The following TMA16 variants were observed in gnomAD, a reference collection of about 807,000 sequenced individuals.
The protein encoded by TMA16 is translation machinery-associated protein 16.
In TMA16, 26 loss-of-function variants were observed where a neutral mutation model predicts 27.1. The observed-to-expected ratio is 0.96, with a 90% CI of 0.70 to 1.33. The LOEUF (loss-of-function observed/expected upper bound fraction) is 1.33. Ranked by LOEUF, TMA16 falls within the 40% of genes most tolerant of loss-of-function variation. The pLI, the probability that TMA16 is intolerant of heterozygous loss-of-function variation, is 0.00. For missense variants in TMA16, 233 were observed against 241.4 expected, an observed-to-expected ratio of 0.97 and a Z score of 0.23; for synonymous variants, 71 against 81.9, an observed-to-expected ratio of 0.87 and a Z score of 0.72.
chr4:163,519,507 T>A lies in TMA16; in HGVS notation c.605T>A (p.Val202Glu), dbSNP rs1737936979. 2 of 1,572,862 alleles carry A rather than the reference T, an allele frequency of 1.3e-6. No individual in the cohort carries two copies. The highest frequency in any genetic ancestry group is 1.7e-6 in the Non-Finnish European group (2 of 1,166,834). The change falls in exon 7 of 7, where the codon GTG (valine) becomes GAG (glutamate). Residue 202 changes from valine to glutamate, a missense_variant. Transcript: ENST00000358572. ...GATTCAGATGAGGAAATGACTGCAGTGGCCTAATTGTCTTCACTTGAATTG... is the reference window on the plus strand; with the variant it reads ...GATTCAGATGAGGAAATGACTGCAGAGGCCTAATTGTCTTCACTTGAATTG... ...SSDSDEEMTA[V>E]A
At chr4:163,497,821 T>G (rs956311757) in intron 1 of TMA16, among the ~76,000 whole-genome samples, 3 of 152,206 alleles carry the variant, frequency 2.0e-5, no homozygotes, top group Admixed American at 6.5e-5. Flanking sequence ...CGTGGATATC[T>G]TTTGGTCGGA....
intron 2 of TMA16, among the ~76,000 whole-genome samples, chr4:163,512,007 C>A (rs932891823): frequency 7.3e-5 from 11 of 151,532 alleles, no homozygotes; most frequent in African/African-American, 2.7e-4. Flanking sequence ...TTCCCGTAGT[C>A]CCTATCTTTT....
intron 4 of TMA16, 30 bp from the exon 5 acceptor site, chr4:163,515,283 T>C: frequency 1.3e-6 from 2 of 1,593,292 alleles, no homozygotes; most frequent in Non-Finnish European, 1.7e-6. Context: ...ATACTTTGTA[T>C]GTAACACAAA....
chr4:163,502,423 A>C (rs1737661747), intron 1 of TMA16, among the ~76,000 whole-genome samples: 1 of 152,178 alleles, frequency 6.6e-6, no homozygotes, highest in African/African-American at 2.4e-5. Flanking sequence ...CTTCTCTCAA[A>C]CTGTGATTTG....
intron 1 of TMA16, among the ~76,000 whole-genome samples, chr4:163,505,987 C>G (rs189371881): frequency 6.6e-6 from 1 of 152,212 alleles, no homozygotes; most frequent in Admixed American, 6.5e-5. Flanking sequence ...TTCTGTTTTT[C>G]TATATGAATG....
chr4:163,500,842 G>C (rs1332279792), intron 1 of TMA16, among the ~76,000 whole-genome samples: 1 of 152,166 alleles, frequency 6.6e-6, no homozygotes, highest in Non-Finnish European at 1.5e-5. Context: ...CCAGGAATGA[G>C]AAGGATAAAC....
chr4:163,519,455 G>C lies in TMA16; in HGVS notation c.553G>C (p.Glu185Gln). The C allele has an allele frequency of 6.2e-7, 1 of 1,605,446 alleles. No individual in the cohort carries two copies. The highest frequency in any genetic ancestry group is 8.5e-7 in the Non-Finnish European group (1 of 1,176,936). ...TATAACTGTAGACCAAGATTTGGGG[G>C]AATTGGAACTAAACGATGAATCAAG... ...TIITVDQDLG[E>Q]LELNDESSDS... Residue 185 changes from glutamate to glutamine, a missense_variant, in exon 7 of 7, where the codon GAA (glutamate) becomes CAA (glutamine). By Grantham distance (29) the Glu-to-Gln change is conservative. Coordinates refer to ENST00000358572, the MANE Select transcript of TMA16 (RefSeq NM_018352.3).
At chr4:163,504,800 A>G (rs1270474949) in intron 1 of TMA16, among the ~76,000 whole-genome samples, 3 of 152,146 alleles carry the variant, frequency 2.0e-5, no homozygotes, top group Non-Finnish European at 4.4e-5. Context: ...TGCTTGGCTG[A>G]GGATCTGCCT....
chr4:163,498,686 A>G (rs1280925178), intron 1 of TMA16, among the ~76,000 whole-genome samples: 1 of 151,966 alleles, frequency 6.6e-6, no homozygotes, highest in East Asian at 1.9e-4. Context: ...TTTTTTAGAG[A>G]TGGAGTCTCA....
At chr4:163,509,915 G>T (rs1006070284) in intron 2 of TMA16, among the ~76,000 whole-genome samples, 2 of 152,016 alleles carry the variant, frequency 1.3e-5, no homozygotes, top group African/African-American at 4.8e-5. Flanking sequence ...AAGCATGATG[G>T]GTAAGAATCT....
chr4:163,508,331 C>T (rs2110801250), intron 2 of TMA16, among the ~76,000 whole-genome samples: 1 of 152,242 alleles, frequency 6.6e-6, no homozygotes, highest in Admixed American at 6.5e-5. Context: ...TAAGGGTTTC[C>T]ACTTCCAACA....
chr4:163,506,893 C>T (rs17043746), intron 1 of TMA16, 140 bp from the exon 2 acceptor site: 8,817 of 640,858 alleles, frequency 0.014, 301 homozygotes, highest in African/African-American at 0.099. Flanking sequence ...GGCTTATCTC[C>T]TGATTTTTCT....
intron 5 of TMA16, chr4:163,516,093 C>A (rs1074604): frequency 0.41 from 62,416 of 152,116 alleles, 13,906 homozygotes; most frequent in Admixed American, 0.55. Flanking sequence ...TACCTCCACT[C>A]TTTCCTGCTA....
At chr4:163,505,611 AAT>A (rs767902890) in intron 1 of TMA16, among the ~76,000 whole-genome samples, 30 of 152,164 alleles carry the variant, frequency 2.0e-4, no homozygotes, top group Non-Finnish European at 4.1e-4. Context: ...TATGTTCTGG[AAT>A]GGTGAGAAGT....
At chr4:163,517,048 T>C (rs9308062) in intron 5 of TMA16, 107,158 of 169,290 alleles carry the variant, frequency 0.63, 34,914 homozygotes, top group African/African-American at 0.77. Context: ...GGACTACAGG[T>C]GCCCGTCACC....
At chr4:163,502,365 G>A (rs1737661199) in intron 1 of TMA16, among the ~76,000 whole-genome samples, 1 of 152,146 alleles carries the variant, frequency 6.6e-6, no homozygotes, top group African/African-American at 2.4e-5. Flanking sequence ...ACAGTACAAA[G>A]TGGATGCTCA....
chr4:163,512,750 C>T (rs974701207), intron 2 of TMA16, 72 bp from the exon 3 acceptor site: 95 of 1,153,914 alleles, frequency 8.2e-5, no homozygotes, highest in South Asian at 1.9e-4. Flanking sequence ...TTTTTCTTTT[C>T]GTTGTTATTG....
intron 1 of TMA16, among the ~76,000 whole-genome samples, chr4:163,505,949 G>T (rs1363630417): frequency 6.6e-6 from 1 of 152,162 alleles, no homozygotes; most frequent in Non-Finnish European, 1.5e-5. Context: ...GTATGTTGGA[G>T]ACTGCCAGCT....
chr4:163,501,914 A>G (rs985847551), intron 1 of TMA16, among the ~76,000 whole-genome samples: 1 of 152,098 alleles, frequency 6.6e-6, no homozygotes, highest in Non-Finnish European at 1.5e-5. Context: ...CTTTTGATCC[A>G]TTTTCTAGCC....
Sources: allele counts gnomAD v4.1 joint callset (sites outside exome capture counted in the v4.1 genomes callset), GRCh38; gene constraint gnomAD v4.1.1; transcripts MANE v1.5; gene names NCBI Gene and HGNC (gene_info 2026-07-23, HGNC 2026-07-21).